SFXN4: variants seen among roughly 807,000 people sequenced by gnomAD.
SFXN4 encodes the protein sideroflexin 4, also known as sideroflexin-4.
SFXN4 carries 48 observed loss-of-function variants against 54.6 expected under a neutral mutation model. The ratio of observed to expected loss-of-function variants is 0.88; its 90% CI spans 0.70 to 1.12. The LOEUF (loss-of-function observed/expected upper bound fraction) is 1.12, where lower values mean the gene tolerates loss of function less well. Ranked by LOEUF, SFXN4 falls within the 50% of genes most tolerant of loss-of-function variation. SFXN4 has a pLI of 0.00. For missense variants in SFXN4, 383 were observed against 409.2 expected, an observed-to-expected ratio of 0.94 and a Z score of 0.55; for synonymous variants, 130 against 145.5, an observed-to-expected ratio of 0.89 and a Z score of 0.77.
At chr10:119,150,273 C>T (rs11198804) in intron 11 of SFXN4, among the ~76,000 whole-genome samples, 42,480 of 151,890 alleles carry the variant, frequency 0.28, 6,124 homozygotes, top group East Asian at 0.48. Context: ...GCTACCTTTC[C>T]GCTGGAGGCT....
At chr10:119,147,944 G>T in intron 11 of SFXN4, 84 bp from the exon 12 acceptor site, 1 of 1,073,890 alleles carries the variant, frequency 9.3e-7, no homozygotes, top group Non-Finnish European at 1.4e-6. Context: ...GCCGAGGCGG[G>T]TAGATCGCTT....
chr10:119,151,493 G>A (rs1365525267), intron 11 of SFXN4, among the ~76,000 whole-genome samples: 2 of 151,862 alleles, frequency 1.3e-5, no homozygotes, highest in African/African-American at 4.8e-5. Flanking sequence ...CTGTGGTGAT[G>A]GTCACACAAC....
chr10:119,165,139 A>G, intron 1 of SFXN4: 1 of 927,358 alleles, frequency 1.1e-6, no homozygotes, highest in Non-Finnish European at 1.3e-6. Context: ...AGTCCTGCTT[A>G]TGTCCTGCCC....
At chr10:119,143,193 C>A (rs1846629637) in intron 13 of SFXN4, among the ~76,000 whole-genome samples, 1 of 152,150 alleles carries the variant, frequency 6.6e-6, no homozygotes, top group African/African-American at 2.4e-5. Context: ...GCTGTGCAGG[C>A]CCTGCCACCT....
chr10:119,149,813 A>T, intron 11 of SFXN4, among the ~76,000 whole-genome samples: 1 of 152,218 alleles, frequency 6.6e-6, no homozygotes, highest in Non-Finnish European at 1.5e-5. Flanking sequence ...GACTTCCGGA[A>T]GGGAAAAATG....
chr10:119,153,988 G>A (rs1047070403), intron 11 of SFXN4, among the ~76,000 whole-genome samples: 1 of 152,022 alleles, frequency 6.6e-6, no homozygotes, highest in Non-Finnish European at 1.5e-5. Context: ...GACCAGCCTG[G>A]CCAATACGGT....
intron 11 of SFXN4, 147 bp from the exon 12 acceptor site, chr10:119,148,007 CCAA>C: frequency 1.7e-6 from 1 of 586,484 alleles, no homozygotes. Context: ...CCTGTCTCTA[CCAA>C]AAAATACAAA....
chr10:119,162,172 A>G (rs1847577265), intron 3 of SFXN4, 168 bp downstream of exon 3: 1 of 624,854 alleles, frequency 1.6e-6, no homozygotes, highest in South Asian at 2.0e-5. Context: ...TGGGCAGTAT[A>G]TAACAATGAC....
chr10:119,147,294 T>C (rs1227553178), intron 12 of SFXN4, among the ~76,000 whole-genome samples: 2 of 152,236 alleles, frequency 1.3e-5, no homozygotes, highest in Admixed American at 1.3e-4. Context: ...TTTCTCATAC[T>C]GGTGGCCACA....
At chr10:119,160,103 T>C (rs1303590831) in intron 5 of SFXN4, among the ~76,000 whole-genome samples, 3 of 151,454 alleles carry the variant, frequency 2.0e-5, no homozygotes, top group African/African-American at 7.3e-5. Flanking sequence ...CAGCTGAGCC[T>C]GGGAGTTGGA....
At chr10:119,151,383 A>AAC (rs1451261393) in intron 11 of SFXN4, among the ~76,000 whole-genome samples, 1 of 122,158 alleles carries the variant, frequency 8.2e-6, no homozygotes, top group Non-Finnish European at 1.6e-5. Flanking sequence ...CAAACAAACA[A>AAC]AAAAAAAGAA....
At chr10:119,161,437 C>CAAAAAAAAAAAAAAAAAAAAAAAAA (rs1554888747) in intron 3 of SFXN4, among the ~76,000 whole-genome samples, 3 of 119,834 alleles carry the variant, frequency 2.5e-5, no homozygotes, top group Non-Finnish European at 5.1e-5. Flanking sequence ...CAAAAAAAAA[C>CAAAAAAAAAAAAAAAAAAAAAAAAA]AAAAAAAAAA....
chr10:119,165,471 A>T (rs1005006336), intron 1 of SFXN4, 66 bp downstream of exon 1: 1 of 1,464,556 alleles, frequency 6.8e-7, no homozygotes, highest in East Asian at 2.8e-5. Flanking sequence ...CACCCGGGTC[A>T]GCCCGACTCC....
intron 11 of SFXN4, among the ~76,000 whole-genome samples, chr10:119,151,651 G>A (rs1479060093): frequency 6.6e-6 from 1 of 151,834 alleles, no homozygotes; most frequent in African/African-American, 2.4e-5. Context: ...GAGTAGCTGG[G>A]ACTACAGGCA....
At chr10:119,159,304 C>A (rs1019095221) in intron 6 of SFXN4, among the ~76,000 whole-genome samples, 4 of 151,794 alleles carry the variant, frequency 2.6e-5, no homozygotes, top group Admixed American at 6.6e-5. Context: ...ACCCAAAAAA[C>A]CAAAAAGCAC....
At chr10:119,165,276 C>T (rs200590444) in intron 1 of SFXN4, 8 of 1,195,080 alleles carry the variant, frequency 6.7e-6, no homozygotes, top group Admixed American at 4.9e-5. Flanking sequence ...GCCACCTGCG[C>T]GGACTGGGCC....
At position 119,162,425 on chromosome 10, in the gene SFXN4, A is replaced by T. The variant is rs1181436156; in HGVS notation, c.178-11T>A. On this transcript the variant is annotated splice_polypyrimidine_tract_variant and intron_variant, in intron 2 of 13. Coordinates refer to ENST00000355697, the MANE Select transcript of SFXN4 (RefSeq NM_213649.2). ...GTTTTCTATACTTTCCTAAAATCAG[A>T]TATCAAGTAATCAAGTAATGATCTC... The T allele has an allele frequency of 5.6e-6, 9 of 1,602,626 alleles. No individual in the cohort carries two copies. The highest frequency in any genetic ancestry group is 7.7e-6 in the Non-Finnish European group (9 of 1,169,580).
chr10:119,151,562 C>A (rs1194448646), intron 11 of SFXN4, among the ~76,000 whole-genome samples: 2 of 151,902 alleles, frequency 1.3e-5, no homozygotes, highest in Non-Finnish European at 2.9e-5. Context: ...GTCACCCAGG[C>A]TGGAGTGCAG....
intron 13 of SFXN4, among the ~76,000 whole-genome samples, chr10:119,145,768 T>C (rs1236769668): frequency 6.6e-6 from 1 of 152,218 alleles, no homozygotes; most frequent in Non-Finnish European, 1.5e-5. Flanking sequence ...TCAAAGGTTA[T>C]ACTTGGATTT....
Sources: gnomAD v4.1 joint callset for allele counts (sites outside exome capture counted in the v4.1 genomes callset) on GRCh38, gnomAD v4.1.1 for gene constraint, MANE v1.5 for transcripts, NCBI Gene and HGNC (gene_info 2026-07-23, HGNC 2026-07-21) for gene names.